BCAN: variants seen among roughly 807,000 people sequenced by gnomAD.
The protein encoded by BCAN is brevican.
In BCAN, 51 loss-of-function variants were observed where a neutral mutation model predicts 92.4. That is an observed-to-expected ratio of 0.55 (90% CI 0.44 to 0.70). The LOEUF is 0.70. Among genes scored for constraint, BCAN ranks in the 30% least tolerant of loss-of-function variants. The pLI is 0.00. For synonymous variants in BCAN, 501 were observed against 505.2 expected (o/e 0.99, Z 0.11); for missense variants, 1,140 against 1,212.1 (o/e 0.94, Z 0.88).
In BCAN at chr1:156,656,370, G is replaced by T. The variant is rs368128491; in HGVS notation, c.2031G>T (p.Gly677=). The T allele has an allele frequency of 3.8e-5, 52 of 1,385,962 alleles. No homozygotes were observed. In the South Asian group the frequency reaches 1.1e-3, roughly 28 times the overall value. 85.9% of individuals were successfully genotyped at this position (1,385,962 alleles called of 1,614,324 possible). Residue 677 remains glycine, a synonymous_variant, in exon 9 of 14, where the codon GGG becomes GGT. Transcript: ENST00000329117. ...GVRCLCLPGY[G]GDLCDVGLRF... is the part of the protein sequence containing the mutation. ...GCTGCCTATGTCTGCCTGGCTATGG[G>T]GGGGACCTGTGCGATGTTGGTGAGT...
chr1:156,643,635 C>CACAGAGAGAGAGAGAGAG (rs549293956), intron 1 of BCAN: 21 of 103,852 alleles, frequency 2.0e-4, no homozygotes, highest in East Asian at 5.7e-4. Flanking sequence ...CACACACACA[C>CACAGAGAGAGAGAGAGAG]AGAGAGAGAG....
At position 156,647,142 on chromosome 1, in the gene BCAN, G is replaced by T; in HGVS notation, c.433G>T (p.Asp145Tyr). The T allele has an allele frequency of 7.5e-7, 1 of 1,331,514 alleles. No individual in the cohort carries two copies. Among genetic ancestry groups the T allele is most frequent in the South Asian group, 1.2e-5 (1 of 84,590 alleles). The allele number at this position is 1,331,514 out of a possible 1,614,324, so 82.5% of individuals were successfully genotyped here. ...YRCEVQHGIDDSSDAVEVKVK... is the reference protein window; with the variant it reads ...YRCEVQHGIDYSSDAVEVKVK... Reference sequence around the variant, plus strand: ...CTGTGAGGTCCAGCACGGCATCGATGACAGCAGCGACGCTGTGGAGGTCAA... The same window carrying T: ...CTGTGAGGTCCAGCACGGCATCGATTACAGCAGCGACGCTGTGGAGGTCAA... The change falls in exon 3 of 14, where the codon GAC becomes TAC. Residue 145 changes from aspartate to tyrosine, a missense_variant. Asp to Tyr is a radical substitution (Grantham distance 160, BLOSUM62 -3). Coordinates refer to ENST00000329117, the MANE Select transcript of BCAN (RefSeq NM_021948.5). The surrounding 1 kb of genome is among the most constrained non-coding windows in gnomAD (Gnocchi z 4.8).
Position 156,647,869 on chromosome 1 carries a change from G to A in BCAN, c.642-114G>A. The A allele has an allele frequency of 1.3e-6, 2 of 1,562,236 alleles. No homozygotes were observed. The highest frequency in any genetic ancestry group is 1.8e-6 in the Non-Finnish European group (2 of 1,134,094). The stretch of plus-strand genomic sequence containing the variant: ...GCATCCCTGCAGTGCTAGAAGGACA[G>A]CCAGCTGTCAGCAAGTGTCTGCACT... On this transcript the variant is annotated intron_variant, in intron 4 of 13. Coordinates refer to ENST00000329117, the MANE Select transcript of BCAN (RefSeq NM_021948.5). This position sits in a 1 kb window ranked among gnomAD's most constrained non-coding sequence, Gnocchi z 4.8.
rs1427907809 is a variant in BCAN, at chr1:156,642,833, CG to C, written c.-9+561del. The C allele has an allele frequency of 6.6e-6, 1 of 152,250 alleles. No homozygotes were observed. Among genetic ancestry groups the C allele is most frequent in the Non-Finnish European group, 1.5e-5 (1 of 68,050 alleles). 9.4% of individuals were successfully genotyped at this position (152,250 alleles called of 1,614,324 possible). ...GTAGTTAGTTGACTTCTCTGAACCTCGGGTTCCTCATCGGTGTAATGAGCAA... is the reference window on the plus strand; with the variant it reads ...GTAGTTAGTTGACTTCTCTGAACCTCGGTTCCTCATCGGTGTAATGAGCAA... On this transcript the variant is annotated intron_variant, in intron 1 of 13. Transcript: ENST00000329117. The surrounding 1 kb of genome is among the most constrained non-coding windows in gnomAD (Gnocchi z 4.2).
rs1431357636 is a variant in BCAN, at chr1:156,651,510, C to A, written c.1118C>A (p.Ala373Asp). ...GCCTCCAACCCAGCCTCCAACCCAGCCTCTGATGGACTAGAGGCTATCGTC... is the reference window on the plus strand; with the variant it reads ...GCCTCCAACCCAGCCTCCAACCCAGACTCTGATGGACTAGAGGCTATCGTC... ...PEASNPASNP[A>D]SDGLEAIVTV... Residue 373 changes from alanine (A) to aspartate (D), a missense_variant, in exon 7 of 14, where the codon GCC becomes GAC. Ala to Asp is a moderately radical substitution (Grantham distance 126, BLOSUM62 -2). This residue lies in a region of BCAN where 825 missense variants were observed against 871.8 expected (regional missense o/e 0.95). Transcript: ENST00000329117. 1 of 1,614,100 alleles carries A rather than the reference C, an allele frequency of 6.2e-7. No individual in the cohort carries two copies.
intron 10 of BCAN, 73 bp downstream of exon 10, chr1:156,657,169 C>T: frequency 6.4e-7 from 1 of 1,554,666 alleles, no homozygotes; most frequent in Non-Finnish European, 8.8e-7. Context: ...TAACCGCCTT[C>T]CTCATTAACC....
chr1:156,644,474 G>A (rs1343156479), intron 1 of BCAN: 1 of 152,566 alleles, frequency 6.6e-6, no homozygotes, highest in Non-Finnish European at 1.5e-5. Flanking sequence ...TCCAGCCCCA[G>A]AACAGTCCTC....
rs760379927 is a variant in BCAN, at chr1:156,648,748, C to T, written c.950C>T (p.Thr317Ile). The change falls in exon 6 of 14, where the codon ACA (threonine) becomes ATA (isoleucine). Residue 317 changes from threonine (T) to isoleucine (I), a missense_variant. Physicochemically the swap from Thr to Ile is moderately conservative, Grantham distance 89. Coordinates refer to ENST00000329117, the MANE Select transcript of BCAN (RefSeq NM_021948.5). ...GGCAGTGTGCGCTACCCCATCGTCA[C>T]ACCCAGCCAGCGCTGTGGTGGGGGC... ...ADGSVRYPIV[T>I]PSQRCGGGLP... 5 of 1,612,804 alleles carry T rather than the reference C, an allele frequency of 3.1e-6. No homozygotes were observed. The highest frequency in any genetic ancestry group is 3.4e-6 in the Non-Finnish European group (4 of 1,178,866).
Position 156,647,586 on chromosome 1 carries a change from T to C in BCAN, c.545T>C (p.Ile182Thr), listed in dbSNP as rs752494992. The C allele has an allele frequency of 1.2e-6, 2 of 1,613,046 alleles. No homozygotes were observed. The highest frequency in any genetic ancestry group is 1.3e-5 in the African/African-American group (1 of 74,904). Residue 182 changes from isoleucine (I) to threonine (T), a missense_variant, in exon 4 of 14, where the codon ATT (isoleucine) becomes ACT (threonine). Physicochemically the swap from Ile to Thr is moderately conservative, Grantham distance 89. Coordinates refer to ENST00000329117, the MANE Select transcript of BCAN (RefSeq NM_021948.5). This position sits in a 1 kb window ranked among gnomAD's most constrained non-coding sequence, Gnocchi z 4.8. ...GGGGCCCAGGAGGCCTGTGCCCGCA[T>C]TGGAGCCCACATCGCCACCCCGGAG... ...FSGAQEACAR[I>T]GAHIATPEQL...
At chr1:156,650,849 G>A (rs889260229) in intron 6 of BCAN, among the ~76,000 whole-genome samples, 4 of 152,178 alleles carry the variant, frequency 2.6e-5, no homozygotes, top group African/African-American at 4.8e-5. Flanking sequence ...AGGCTGAGAC[G>A]GGAGAACCGC....
rs1679429059 is a variant in BCAN at position 156,658,805 on chromosome 1, C to T, written c.2628+72C>T. 1 of 1,585,910 alleles carries T rather than the reference C, an allele frequency of 6.3e-7. No homozygotes were observed. The highest frequency in any genetic ancestry group is 8.6e-7 in the Non-Finnish European group (1 of 1,160,106). Reference sequence around the variant, plus strand: ...AGTAGCCTTGGACTCCACTTAAAGTCCTGCCTGTCACTGGCCATGTGACCT... The same window carrying T: ...AGTAGCCTTGGACTCCACTTAAAGTTCTGCCTGTCACTGGCCATGTGACCT... On this transcript the variant is annotated intron_variant, in intron 13 of 13. Transcript: ENST00000329117. This position sits in a 1 kb window ranked among gnomAD's most constrained non-coding sequence, Gnocchi z 4.4.
At chr1:156,646,480 G>A in intron 2 of BCAN, 1 of 499,868 alleles carries the variant, frequency 2.0e-6, no homozygotes, top group Non-Finnish European at 3.5e-6. Flanking sequence ...GAGGACTCAG[G>A]GGGCGAGGTT....
Position 156,647,238 on chromosome 1 carries a change from C to T in BCAN, c.466+63C>T, listed in dbSNP as rs1476139198. The T allele has an allele frequency of 4.1e-6, 6 of 1,460,774 alleles. No homozygotes were observed. Among genetic ancestry groups the T allele is most frequent in the Middle Eastern group, 1.9e-4 (1 of 5,236 alleles). 90.5% of individuals were successfully genotyped at this position (1,460,774 alleles called of 1,614,324 possible). ...GGAGGGAAGGGAGGACTCTTGCCTT[C>T]GGGGATCCCACAGTGTGAGAGGGAA... On this transcript the variant is annotated intron_variant, in intron 3 of 13. Transcript: ENST00000329117. The surrounding 1 kb of genome is among the most constrained non-coding windows in gnomAD (Gnocchi z 4.8).
At chr1:156,648,251 T>C (rs1679051447) in intron 5 of BCAN, 141 bp downstream of exon 5, 4 of 1,251,802 alleles carry the variant, frequency 3.2e-6, no homozygotes, top group Non-Finnish European at 4.4e-6. Context: ...TTGGTGTCCC[T>C]CTCTCCAAAC....
chr1:156,652,122 A>G, intron 7 of BCAN, 126 bp from the exon 8 acceptor site: 3 of 1,289,666 alleles, frequency 2.3e-6, no homozygotes, highest in Admixed American at 2.4e-5. Context: ...ACCTGTCCTC[A>G]GGGCGGTCTC....
In BCAN at chr1:156,658,603, G is replaced by A. The variant is rs377028062; in HGVS notation, c.2498G>A (p.Arg833His). 54 of 1,613,970 alleles carry A rather than the reference G, an allele frequency of 3.3e-5. No individual in the cohort carries two copies. Among genetic ancestry groups the A allele is most frequent in the South Asian group, 5.5e-5 (5 of 91,082 alleles). Residue 833 changes from arginine (R) to histidine (H), a missense_variant, in exon 13 of 14, where the codon CGC (arginine) becomes CAC (histidine). Arg to His is a conservative substitution (Grantham distance 29). This residue lies in a region of BCAN where 825 missense variants were observed against 871.8 expected (regional missense o/e 0.95). Coordinates refer to ENST00000329117, the MANE Select transcript of BCAN (RefSeq NM_021948.5). This position sits in a 1 kb window ranked among gnomAD's most constrained non-coding sequence, Gnocchi z 4.4. ...LAQVFGRPRL[R>H]YEVDTVLRYR... ...CAAGTGTTCGGCCGCCCACGGCTGC[G>A]CTATGAGGTGGACACTGTGCTTCGC... is the stretch of plus-strand genomic sequence containing the variant.
At chr1:156,650,223 TG>T (rs1360472746) in intron 6 of BCAN, among the ~76,000 whole-genome samples, 1 of 151,980 alleles carries the variant, frequency 6.6e-6, no homozygotes, top group Non-Finnish European at 1.5e-5. Context: ...AGCACTGTTT[TG>T]GAAAGAAATG....
At chr1:156,652,983 C>A (rs753993029) in intron 8 of BCAN, 91 bp downstream of exon 8, 1 of 1,558,464 alleles carries the variant, frequency 6.4e-7, no homozygotes, top group Non-Finnish European at 8.7e-7. Context: ...GTCCTTTAAC[C>A]CACCATCATC....
chr1:156,659,304 C>A lies in BCAN; in HGVS notation c.*170C>A. 1 of 587,256 alleles carries A rather than the reference C, an allele frequency of 1.7e-6. No individual in the cohort carries two copies. Among genetic ancestry groups the A allele is most frequent in the Non-Finnish European group, 2.9e-6 (1 of 339,770 alleles). 36.4% of individuals were successfully genotyped at this position (587,256 alleles called of 1,614,324 possible). On this transcript the variant is annotated 3_prime_UTR_variant, in exon 14 of 14. Coordinates refer to ENST00000329117, the MANE Select transcript of BCAN (RefSeq NM_021948.5). ...CTGGGAAATACCTAGGAGGCTCCAG[C>A]CCAGCCCAGGCCCTCTCCCCCTACC... is the stretch of plus-strand genomic sequence containing the variant.
Sources: allele counts gnomAD v4.1 joint callset (sites outside exome capture counted in the v4.1 genomes callset), GRCh38; gene constraint gnomAD v4.1.1; regional missense constraint gnomAD v4.1.1; non-coding constraint Gnocchi (gnomAD v3.1); transcripts MANE v1.5; gene names NCBI Gene and HGNC (gene_info 2026-07-23, HGNC 2026-07-21).